The following ZFAND4 variants were observed in gnomAD, a reference collection of about 807,000 sequenced individuals.
ZFAND4 encodes the protein zinc finger AN1-type containing 4.
A neutral mutation model predicts 64.4 loss-of-function variants in ZFAND4; 43 were observed. The ratio of observed to expected loss-of-function variants is 0.67; its 90% CI spans 0.52 to 0.86. The LOEUF (loss-of-function observed/expected upper bound fraction) is 0.86. Ranked by LOEUF, ZFAND4 falls within the 40% of genes least tolerant of loss-of-function variation. ZFAND4 has a pLI of 0.00. For synonymous variants in ZFAND4, 296 were observed against 305.7 expected, an observed-to-expected ratio of 0.97 and a Z score of 0.33; for missense variants, 929 against 859.8, an observed-to-expected ratio of 1.08 and a Z score of -1.01.
intron 6 of ZFAND4, among the ~76,000 whole-genome samples, chr10:45,631,579 T>C (rs1284880999): frequency 6.6e-6 from 1 of 152,068 alleles, no homozygotes. Context: ...AAAAGAAAGA[T>C]TGGTAATTAG....
At chr10:45,651,596 A>G in intron 4 of ZFAND4, 1 of 473,606 alleles carries the variant, frequency 2.1e-6, no homozygotes, top group Non-Finnish European at 4.4e-6. Context: ...GGAATTTTGC[A>G]AAACGATCAT....
chr10:45,617,770 T>C (rs1011962004), intron 9 of ZFAND4: 1 of 152,290 alleles, frequency 6.6e-6, no homozygotes, highest in African/African-American at 2.4e-5. Flanking sequence ...AAATATATTA[T>C]TCATCTATTT....
chr10:45,640,584 G>A (rs113002666), intron 5 of ZFAND4, among the ~76,000 whole-genome samples: 9,085 of 151,964 alleles, frequency 0.06, 397 homozygotes, highest in African/African-American at 0.12. Context: ...TCTGCCTCCC[G>A]GGTTCAAGCG....
At chr10:45,659,098 T>C (rs1271009910) in intron 2 of ZFAND4, among the ~76,000 whole-genome samples, 1 of 152,116 alleles carries the variant, frequency 6.6e-6, no homozygotes, top group Non-Finnish European at 1.5e-5. Context: ...AGAGGCTGAG[T>C]GTGGACTAGT....
intron 2 of ZFAND4, chr10:45,662,560 A>G: frequency 2.0e-6 from 2 of 982,120 alleles, no homozygotes; most frequent in Middle Eastern, 5.2e-4. Context: ...AAAATAAACT[A>G]TCATGACTCT....
At chr10:45,616,648 C>G in intron 9 of ZFAND4, 77 bp from the exon 10 acceptor site, 2 of 1,510,166 alleles carry the variant, frequency 1.3e-6, no homozygotes, top group Non-Finnish European at 1.8e-6. Context: ...AGGAGCTTGA[C>G]TTCAGGTAGT....
rs1192154303 is a variant in ZFAND4 at position 45,626,384 on chromosome 10, G to T, written c.1439C>A (p.Pro480Gln). Residue 480 changes from proline to glutamine, a missense_variant, in exon 7 of 10, where the codon CCA becomes CAA. Physicochemically the swap from Pro to Gln is moderately conservative, Grantham distance 76. Coordinates refer to ENST00000344646, the MANE Select transcript of ZFAND4 (RefSeq NM_174890.4). ...CACCAGAGAATTATGTAGCGACATTGGTGCAGAACAGCGAAGAGGTGACAA... is the reference window on the plus strand; with the variant it reads ...CACCAGAGAATTATGTAGCGACATTTGTGCAGAACAGCGAAGAGGTGACAA... ...RLLSPLRCSAPMSLHNSLVKP... is the reference protein window; with the variant it reads ...RLLSPLRCSAQMSLHNSLVKP... The T allele has an allele frequency of 6.2e-7, 1 of 1,614,136 alleles. No homozygotes were observed. Among genetic ancestry groups the T allele is most frequent in the South Asian group, 1.1e-5 (1 of 91,088 alleles).
intron 5 of ZFAND4, among the ~76,000 whole-genome samples, chr10:45,645,254 C>T (rs2047299729): frequency 6.6e-6 from 1 of 152,096 alleles, no homozygotes; most frequent in Admixed American, 6.5e-5. Context: ...AGGTGTGAGC[C>T]ACCATGCCCT....
At position 45,648,315 on chromosome 10, in the gene ZFAND4, C is replaced by T; in HGVS notation, c.548G>A (p.Arg183Lys). The T allele has an allele frequency of 6.2e-7, 1 of 1,611,560 alleles. No individual in the cohort carries two copies. The highest frequency in any genetic ancestry group is 2.2e-5 in the East Asian group (1 of 44,812). ...KIDFHLHVLR[R>K]KGEHRMSGGS... ...GTACCTCATACGATGTTCTCCTTTT[C>T]TCCGTAGGACATGCAAATGAAAATC... The change falls in exon 5 of 10, where the codon AGA (arginine) becomes AAA (lysine). Residue 183 changes from arginine (R) to lysine (K), a missense_variant. Arg to Lys is a conservative substitution (Grantham distance 26, BLOSUM62 2). Coordinates refer to ENST00000344646, the MANE Select transcript of ZFAND4 (RefSeq NM_174890.4).
At chr10:45,666,697 G>A (rs1026391279) in intron 1 of ZFAND4, among the ~76,000 whole-genome samples, 15 of 152,170 alleles carry the variant, frequency 9.9e-5, no homozygotes, top group Non-Finnish European at 4.4e-5. Context: ...TGTGTATGGT[G>A]TGAGGTAGAG....
chr10:45,645,883 G>A (rs1339321614), intron 5 of ZFAND4, among the ~76,000 whole-genome samples: 2 of 151,986 alleles, frequency 1.3e-5, no homozygotes, highest in African/African-American at 2.4e-5. Context: ...ACCAAGAGAA[G>A]ATCTGATAGA....
intron 2 of ZFAND4, 123 bp from the exon 3 acceptor site, chr10:45,653,182 G>A (rs912895501): frequency 4.3e-6 from 3 of 694,660 alleles, no homozygotes; most frequent in Non-Finnish European, 7.1e-6. Context: ...CTTCTAAATT[G>A]AATGCTAGGT....
rs1230201746 is a variant in ZFAND4, at chr10:45,626,923, T to C, written c.900A>G (p.Ala300=). The C allele has an allele frequency of 6.2e-7, 1 of 1,614,118 alleles. No individual in the cohort carries two copies. Among genetic ancestry groups the C allele is most frequent in the African/African-American group, 1.3e-5 (1 of 74,952 alleles). Residue 300 remains alanine, a synonymous_variant, in exon 7 of 10, where the codon GCA becomes GCG. Coordinates refer to ENST00000344646, the MANE Select transcript of ZFAND4 (RefSeq NM_174890.4). ...EISRNGISSL[A]TQLSAERYIS... is the part of the protein sequence containing the mutation. ...TGTATCTCTCAGCAGAGAGTTGAGT[T>C]GCCAAACTTGAAATTCCATTCCTGG...
intron 2 of ZFAND4, among the ~76,000 whole-genome samples, chr10:45,655,056 T>A (rs1286769150): frequency 2.6e-5 from 4 of 152,106 alleles, no homozygotes; most frequent in African/African-American, 4.8e-5. Flanking sequence ...TATACATTCG[T>A]CTCATCAGCA....
At chr10:45,618,109 G>A (rs564013891) in intron 9 of ZFAND4, 31 bp downstream of exon 9, 55 of 1,589,144 alleles carry the variant, frequency 3.5e-5, no homozygotes, top group Middle Eastern at 3.3e-4. Context: ...CACAGAGAAA[G>A]CATCTGAGCT....
chr10:45,648,933 A>G, intron 4 of ZFAND4: 1 of 985,048 alleles, frequency 1.0e-6, no homozygotes, highest in Non-Finnish European at 1.2e-6. Flanking sequence ...GGTTCCAACA[A>G]TAATTAAAAC....
Position 45,626,265 on chromosome 10 carries a change from A to C in ZFAND4, c.1558T>G (p.Phe520Val). 6.2e-7 allele frequency: 1 copy of C among 1,614,206 alleles called. No individual in the cohort carries two copies. Among genetic ancestry groups the C allele is most frequent in the Non-Finnish European group, 8.5e-7 (1 of 1,180,036 alleles). ...LDVQNITDSS[F>V]SRTTCFQGVK... ...CCTTGAAAGCAAGTAGTCCTAGAGA[A>C]AGAAGAATCAGTTATGTTTTGAACA... The change falls in exon 7 of 10, where the codon TTC becomes GTC. Residue 520 changes from phenylalanine (F) to valine (V), a missense_variant. Coordinates refer to ENST00000344646, the MANE Select transcript of ZFAND4 (RefSeq NM_174890.4).
At chr10:45,623,843 C>G (rs1383080884) in intron 8 of ZFAND4, among the ~76,000 whole-genome samples, 1 of 152,068 alleles carries the variant, frequency 6.6e-6, no homozygotes, top group African/African-American at 2.4e-5. Context: ...ATTTTATAAC[C>G]TTGGGCCTTA....
intron 6 of ZFAND4, among the ~76,000 whole-genome samples, chr10:45,635,302 C>A (rs572389535): frequency 6.7e-6 from 1 of 149,280 alleles, no homozygotes; most frequent in South Asian, 2.1e-4. Flanking sequence ...CAAAACAGCA[C>A]AGTACTGACA....
Sources: allele counts gnomAD v4.1 joint callset (sites outside exome capture counted in the v4.1 genomes callset), GRCh38; gene constraint gnomAD v4.1.1; transcripts MANE v1.5; gene names NCBI Gene and HGNC (gene_info 2026-07-23, HGNC 2026-07-21).